TTC29: variants seen among roughly 807,000 people sequenced by gnomAD.
TTC29 encodes the protein tetratricopeptide repeat protein 29.
TTC29 carries 49 observed loss-of-function variants against 58.1 expected under a neutral mutation model. The observed-to-expected ratio is 0.84, with a 90% CI of 0.67 to 1.07. TTC29 has a LOEUF of 1.07. Among genes scored for constraint, TTC29 ranks in the 50% least tolerant of loss-of-function variants. TTC29 has a pLI of 0.00. For synonymous variants in TTC29, 209 were observed against 196.8 expected (o/e 1.06, Z -0.52); for missense variants, 582 against 555.6 (o/e 1.05, Z -0.48).
chr4:146,836,260 C>CT (rs1428858726), intron 8 of TTC29, among the ~76,000 whole-genome samples: 1 of 152,090 alleles, frequency 6.6e-6, no homozygotes, highest in African/African-American at 2.4e-5. Flanking sequence ...GACAACTGAT[C>CT]TTTTTTGTGG....
At chr4:146,770,675 T>C (rs1747661704) in intron 11 of TTC29, among the ~76,000 whole-genome samples, 1 of 152,060 alleles carries the variant, frequency 6.6e-6, no homozygotes, top group Admixed American at 6.6e-5. Flanking sequence ...GCATGGATTC[T>C]GCAATCAAAC....
At chr4:146,873,923 A>G (rs1270745193) in intron 7 of TTC29, among the ~76,000 whole-genome samples, 4 of 152,190 alleles carry the variant, frequency 2.6e-5, no homozygotes, top group African/African-American at 9.6e-5. Context: ...GTTCAGGAGC[A>G]TAACTTTTAT....
Position 146,849,355 on chromosome 4 carries a change from C to T in TTC29, c.886-15458G>A, listed in dbSNP as rs1371902647. On this transcript the variant is annotated intron_variant, in intron 8 of 12. Transcript: ENST00000325106. ...ACTGGGTTCATTGGACTTTGAAACC[C>T]ATGTTCTTCAGCACTGTGATAGGCT... Among the ~76,000 whole-genome samples the T allele has an allele frequency of 2.0e-5, 3 of 152,112 alleles. No individual in the cohort carries two copies. The East Asian group carries it at 5.8e-4, about 29-fold the overall frequency.
rs1306745454 is a variant in TTC29, at chr4:146,945,711, CGG to C, written c.-58_-57del. ...ACCTCGCCCCTGCCGTCACGAACCT[CGG>C]TGCACTGGCCCAGGGAAACAACTCC... is the stretch of plus-strand genomic sequence containing the variant. On this transcript the variant is annotated 5_prime_UTR_variant, in exon 1 of 13. Coordinates refer to ENST00000325106, the MANE Select transcript of TTC29 (RefSeq NM_031956.4). The C allele has an allele frequency of 2.6e-5, 4 of 152,614 alleles. No homozygotes were observed. Among genetic ancestry groups the C allele is most frequent in the African/African-American group, 9.6e-5 (4 of 41,572 alleles). 9.5% of individuals were successfully genotyped at this position (152,614 alleles called of 1,614,324 possible).
intron 11 of TTC29, among the ~76,000 whole-genome samples, chr4:146,733,203 T>C (rs1417437111): frequency 6.6e-6 from 1 of 152,156 alleles, no homozygotes; most frequent in Non-Finnish European, 1.5e-5. Context: ...AAATAGTGAC[T>C]ATAGATATCT....
rs201198072 is a variant in TTC29, at chr4:146,764,926, T to C, written c.1330+38531A>G. 9.2e-5 allele frequency among the ~76,000 whole-genome samples: 14 copies of C among 152,298 alleles called. No individual in the cohort carries two copies. The East Asian group carries it at 2.7e-3, about 29-fold the overall frequency. ...TTTGTCTCTTTCTTTTTCTTTTCCATGATGATCATCAGTTTGCTGATTTCA... is the reference window on the plus strand; with the variant it reads ...TTTGTCTCTTTCTTTTTCTTTTCCACGATGATCATCAGTTTGCTGATTTCA... On this transcript the variant is annotated intron_variant, in intron 11 of 12. Coordinates refer to ENST00000325106, the MANE Select transcript of TTC29 (RefSeq NM_031956.4).
At position 146,820,177 on chromosome 4, in the gene TTC29, C is replaced by T; in HGVS notation, c.1049G>A (p.Ser350Asn). Residue 350 changes from serine (S) to asparagine (N), a missense_variant, in exon 10 of 13, where the codon AGC becomes AAC. Ser to Asn is a conservative substitution (Grantham distance 46). Coordinates refer to ENST00000325106, the MANE Select transcript of TTC29 (RefSeq NM_031956.4). ...TGTACTTGCTCTCACCAAATCTAGG[C>T]TTTGAAAATTGTTTCTTGCAATTTT... ...FVKIARNNFQSLDLVRASTML... is the reference protein window; with the variant it reads ...FVKIARNNFQNLDLVRASTML... 1.9e-6 allele frequency: 3 copies of T among 1,613,306 alleles called. No individual in the cohort carries two copies. Among genetic ancestry groups the T allele is most frequent in the Non-Finnish European group, 1.7e-6 (2 of 1,179,776 alleles).
chr4:146,814,400 G>A (rs1451697329), intron 10 of TTC29, among the ~76,000 whole-genome samples: 6 of 114,598 alleles, frequency 5.2e-5, no homozygotes, highest in Non-Finnish European at 6.6e-5. Context: ...TGAGCAACAC[G>A]ACAAAACCCT....
intron 4 of TTC29, among the ~76,000 whole-genome samples, chr4:146,918,225 A>G (rs1041825020): frequency 6.6e-6 from 1 of 151,084 alleles, no homozygotes; most frequent in African/African-American, 2.4e-5. Context: ...CAAATTGAAA[A>G]ATGCTATTTT....
At chr4:146,800,840 C>T (rs1252405556) in intron 11 of TTC29, among the ~76,000 whole-genome samples, 2 of 152,130 alleles carry the variant, frequency 1.3e-5, no homozygotes, top group East Asian at 3.9e-4. Context: ...GACTTTTACC[C>T]TTAATCAGGC....
chr4:146,903,760 A>G (rs1428521540), intron 5 of TTC29, 31 bp from the exon 6 acceptor site: 2 of 1,479,090 alleles, frequency 1.4e-6, no homozygotes, highest in South Asian at 2.8e-5. Context: ...CATGAATGGC[A>G]TTAGAAAGAT....
chr4:146,891,601 C>T (rs996325348), intron 6 of TTC29, among the ~76,000 whole-genome samples: 1 of 152,166 alleles, frequency 6.6e-6, no homozygotes, highest in Non-Finnish European at 1.5e-5. Context: ...GGAGATAAAA[C>T]ACAGGATATT....
At chr4:146,880,658 C>T (rs1731564298) in intron 6 of TTC29, among the ~76,000 whole-genome samples, 1 of 152,008 alleles carries the variant, frequency 6.6e-6, no homozygotes. Context: ...TATGATCTCT[C>T]CCATTTTAGC....
chr4:146,881,177 G>T (rs1023526073), intron 6 of TTC29, among the ~76,000 whole-genome samples: 1 of 152,090 alleles, frequency 6.6e-6, no homozygotes, highest in East Asian at 1.9e-4. Flanking sequence ...TCTCTAAGAC[G>T]CATAGACTGG....
chr4:146,900,639 A>G (rs1236817220), intron 6 of TTC29, among the ~76,000 whole-genome samples: 1 of 152,240 alleles, frequency 6.6e-6, no homozygotes, highest in Non-Finnish European at 1.5e-5. Context: ...TGAGCAATGT[A>G]TAAATCCTCC....
At chr4:146,911,091 A>G (rs1280550539) in intron 4 of TTC29, among the ~76,000 whole-genome samples, 1 of 152,110 alleles carries the variant, frequency 6.6e-6, no homozygotes, top group Non-Finnish European at 1.5e-5. Context: ...AGGATTACCA[A>G]CATCCCTCTC....
At chr4:146,793,141 A>G (rs1749589524) in intron 11 of TTC29, among the ~76,000 whole-genome samples, 1 of 152,172 alleles carries the variant, frequency 6.6e-6, no homozygotes, top group South Asian at 2.1e-4. Context: ...ATATTACATA[A>G]ATTTAGTTGA....
Position 146,909,269 on chromosome 4 carries a change from C to T in TTC29, c.177-20G>A. The T allele has an allele frequency of 4.5e-6, 7 of 1,555,210 alleles. No individual in the cohort carries two copies. Among genetic ancestry groups the T allele is most frequent in the Non-Finnish European group, 6.2e-6 (7 of 1,135,554 alleles). ...CTATAACTGGAAATATGAATCAGAACACTCTCAGGTTTATGTTAATCCTTT... is the reference window on the plus strand; with the variant it reads ...CTATAACTGGAAATATGAATCAGAATACTCTCAGGTTTATGTTAATCCTTT... On this transcript the variant is annotated intron_variant, in intron 4 of 12. Transcript: ENST00000325106.
intron 8 of TTC29, among the ~76,000 whole-genome samples, chr4:146,846,497 G>A (rs1729180133): frequency 6.6e-6 from 1 of 152,098 alleles, no homozygotes; most frequent in Non-Finnish European, 1.5e-5. Flanking sequence ...TTTTTATCCT[G>A]ATAAGTACCA....
Sources: gnomAD v4.1 joint callset for allele counts (sites outside exome capture counted in the v4.1 genomes callset) on GRCh38, gnomAD v4.1.1 for gene constraint, MANE v1.5 for transcripts, NCBI Gene and HGNC (gene_info 2026-07-23, HGNC 2026-07-21) for gene names.